The following LRRC4C variants were observed in gnomAD, a reference collection of about 807,000 sequenced individuals.
LRRC4C encodes the protein leucine rich repeat containing 4C, also known as leucine-rich repeat-containing protein 4C.
LRRC4C carries 5 observed loss-of-function variants against 33.6 expected under a neutral mutation model. The ratio of observed to expected loss-of-function variants is 0.15; its 90% CI spans 0.08 to 0.31. LRRC4C has a LOEUF of 0.31. Among genes scored for constraint, LRRC4C ranks in the 10% least tolerant of loss-of-function variants. The probability of loss-of-function intolerance (pLI) is 1.00; values close to 1 mark genes in which losing one functional copy is unlikely to be tolerated. For synonymous variants in LRRC4C, 329 were observed against 302.0 expected (o/e 1.09, Z -0.93); for missense variants, 560 against 796.7 (o/e 0.70, Z 3.58).
At chr11:41,355,894 A>C (rs576649428) in intron 1 of LRRC4C, among the ~76,000 whole-genome samples, 1 of 152,232 alleles carries the variant, frequency 6.6e-6, no homozygotes, top group African/African-American at 2.4e-5. Context: ...TTAATATGTC[A>C]AACCAAATTT....
intron 1 of LRRC4C, among the ~76,000 whole-genome samples, chr11:41,304,007 G>GCC (rs1459025936): frequency 2.8e-5 from 2 of 71,228 alleles, no homozygotes; most frequent in African/African-American, 3.7e-5. Flanking sequence ...GGGGGGGTCA[G>GCC]CCCCCCGCCC....
chr11:40,769,107 TATAAC>T (rs2137148629), intron 2 of LRRC4C, among the ~76,000 whole-genome samples: 1 of 152,228 alleles, frequency 6.6e-6, no homozygotes, highest in East Asian at 1.9e-4. Flanking sequence ...AAAAAACTAT[TATAAC>T]TGATAAATAA....
chr11:40,204,348 G>A (rs943541369), intron 5 of LRRC4C, among the ~76,000 whole-genome samples: 27 of 152,072 alleles, frequency 1.8e-4, no homozygotes, highest in Admixed American at 6.5e-5. Context: ...GCTTGCCTAA[G>A]CCTTAAGCAG....
intron 1 of LRRC4C, among the ~76,000 whole-genome samples, chr11:41,373,428 T>A (rs1435020456): frequency 1.3e-5 from 2 of 152,200 alleles, no homozygotes; most frequent in Non-Finnish European, 2.9e-5. Flanking sequence ...TTTAAACTAT[T>A]AAGAAACAGT....
At chr11:40,766,501 A>T (rs1230990328) in intron 2 of LRRC4C, among the ~76,000 whole-genome samples, 1 of 151,760 alleles carries the variant, frequency 6.6e-6, no homozygotes, top group South Asian at 2.1e-4. Context: ...TTATGTCTTG[A>T]TTATAAGAAG....
At chr11:40,908,094 A>G (rs780218791) in intron 2 of LRRC4C, among the ~76,000 whole-genome samples, 9 of 152,160 alleles carry the variant, frequency 5.9e-5, no homozygotes, top group Non-Finnish European at 1.0e-4. Context: ...TAGTCACTAC[A>G]GTTGAATAAA....
At chr11:40,338,005 G>A (rs558232353) in intron 3 of LRRC4C, among the ~76,000 whole-genome samples, 1 of 152,280 alleles carries the variant, frequency 6.6e-6, no homozygotes, top group African/African-American at 2.4e-5. Context: ...CCTTTCTAAA[G>A]CTGGAGATAA....
chr11:41,258,098 A>G (rs556430453), intron 1 of LRRC4C, among the ~76,000 whole-genome samples: 2 of 152,114 alleles, frequency 1.3e-5, no homozygotes, highest in South Asian at 4.1e-4. Flanking sequence ...AAAAAGAATA[A>G]GAGGAACCCG....
chr11:40,343,104 C>T (rs936107227), intron 3 of LRRC4C, among the ~76,000 whole-genome samples: 2 of 151,942 alleles, frequency 1.3e-5, no homozygotes, highest in Admixed American at 6.6e-5. Context: ...TGAGTAAATA[C>T]TACACAATTG....
At chr11:41,042,270 A>G (rs561681356) in intron 1 of LRRC4C, among the ~76,000 whole-genome samples, 1 of 152,278 alleles carries the variant, frequency 6.6e-6, no homozygotes, top group South Asian at 2.1e-4. Flanking sequence ...ACCTTCCATG[A>G]GACTAGAAAC....
chr11:40,282,368 CA>C (rs927049122), intron 4 of LRRC4C, among the ~76,000 whole-genome samples: 4 of 151,790 alleles, frequency 2.6e-5, no homozygotes, highest in Admixed American at 6.6e-5. Flanking sequence ...AACAAAACAA[CA>C]AAAAAACCCC....
chr11:40,463,466 GTCT>G (rs1460087945), intron 3 of LRRC4C, among the ~76,000 whole-genome samples: 1 of 151,814 alleles, frequency 6.6e-6, no homozygotes, highest in African/African-American at 2.4e-5. Context: ...AGAGAAAGTG[GTCT>G]TCTCAAAATT....
chr11:40,567,129 T>C (rs1957797945), intron 3 of LRRC4C, among the ~76,000 whole-genome samples: 1 of 152,150 alleles, frequency 6.6e-6, no homozygotes, highest in African/African-American at 2.4e-5. Flanking sequence ...TAACTAAATA[T>C]AAGAGATTAA....
intron 1 of LRRC4C, among the ~76,000 whole-genome samples, chr11:41,306,551 T>C (rs1330001023): frequency 1.3e-5 from 2 of 152,204 alleles, no homozygotes; most frequent in Non-Finnish European, 2.9e-5. Context: ...CTATTCTAAG[T>C]GGAGAGTATC....
chr11:40,225,481 C>A (rs1864720892), intron 5 of LRRC4C, among the ~76,000 whole-genome samples: 1 of 152,118 alleles, frequency 6.6e-6, no homozygotes, highest in Non-Finnish European at 1.5e-5. Flanking sequence ...GTGTGACTAT[C>A]ATATTTGAGT....
intron 2 of LRRC4C, among the ~76,000 whole-genome samples, chr11:40,810,701 T>A (rs1365385279): frequency 2.0e-5 from 3 of 152,126 alleles, no homozygotes; most frequent in African/African-American, 7.2e-5. Context: ...ACTTAACGGT[T>A]AAATCTTAAT....
intron 3 of LRRC4C, among the ~76,000 whole-genome samples, chr11:40,540,387 C>T (rs1956657664): frequency 6.6e-6 from 1 of 152,134 alleles, no homozygotes; most frequent in Non-Finnish European, 1.5e-5. Context: ...ACGTAACCTG[C>T]CAACCTCACC....
chr11:40,589,703 T>C (rs1464763223), intron 3 of LRRC4C, among the ~76,000 whole-genome samples: 2 of 151,828 alleles, frequency 1.3e-5, no homozygotes, highest in Non-Finnish European at 2.9e-5. Context: ...CATTTGCTTG[T>C]CTGTAAAGTA....
rs540864086 is a variant in LRRC4C, at chr11:40,282,206, A to G, written c.-176+37422T>C. 5.3e-5 allele frequency among the ~76,000 whole-genome samples: 8 copies of G among 152,212 alleles called. No homozygotes were observed. The South Asian group carries it at 1.7e-3, about 32-fold the overall frequency. On this transcript the variant is annotated intron_variant, in intron 4 of 6. Transcript: ENST00000528697. ...TCTAAAATACAAAAATTAGCTGGAC[A>G]TGGTGGCATGTGCCTGTAATCCCAG...
Sources: gnomAD v4.1 joint callset for allele counts (sites outside exome capture counted in the v4.1 genomes callset) on GRCh38, gnomAD v4.1.1 for gene constraint, MANE v1.5 for transcripts, NCBI Gene and HGNC (gene_info 2026-07-23, HGNC 2026-07-21) for gene names.